Variants in GFRA1 observed in about 807,000 individuals in gnomAD.
The protein encoded by GFRA1 is GDNF family receptor alpha-1.
GFRA1 carries 16 observed loss-of-function variants against 51.6 expected under a neutral mutation model. That is an observed-to-expected ratio of 0.31 (90% CI 0.21 to 0.47). The LOEUF is 0.47. GFRA1 is among the 20% of genes least tolerant of loss of function. The probability of loss-of-function intolerance (pLI) is 1.00; values close to 1 mark genes in which losing one functional copy is unlikely to be tolerated. For missense variants in GFRA1, 530 were observed against 594.3 expected, an observed-to-expected ratio of 0.89 and a Z score of 1.13; for synonymous variants, 270 against 241.3, an observed-to-expected ratio of 1.12 and a Z score of -1.10.
intron 5 of GFRA1, among the ~76,000 whole-genome samples, chr10:116,205,657 T>C (rs962522930): frequency 6.6e-5 from 10 of 150,858 alleles, no homozygotes; most frequent in African/African-American, 2.4e-5. Flanking sequence ...TCTTCTTTTA[T>C]AGCCACGACT....
chr10:116,181,646 G>A (rs1377513484), intron 5 of GFRA1, among the ~76,000 whole-genome samples: 1 of 149,580 alleles, frequency 6.7e-6, no homozygotes, highest in African/African-American at 2.5e-5. Context: ...TTGTTTTTTT[G>A]TTTTTTTTTG....
rs1287665594 is a variant in GFRA1 at position 116,058,943 on chromosome 10, T to G, written c.*5455A>C. The G allele has an allele frequency of 6.6e-6, 1 of 152,200 alleles. No homozygotes were observed. 9.4% of individuals were successfully genotyped at this position (152,200 alleles called of 1,614,324 possible). A position where few individuals can be genotyped will look rare whatever the true frequency, so the allele number is the denominator to read the frequency against. On this transcript the variant is annotated 3_prime_UTR_variant, in exon 11 of 11. Coordinates refer to ENST00000355422, the MANE Select transcript of GFRA1 (RefSeq NM_005264.8). Reference sequence around the variant, plus strand: ...ATTTCCCACAAAGTCTACCCCCGTTTTGGGCTCTGTCCTTCCTGGCGGATG... The same window carrying G: ...ATTTCCCACAAAGTCTACCCCCGTTGTGGGCTCTGTCCTTCCTGGCGGATG...
chr10:116,238,654 C>G (rs1565672294), intron 4 of GFRA1, among the ~76,000 whole-genome samples: 1 of 152,174 alleles, frequency 6.6e-6, no homozygotes, highest in African/African-American at 2.4e-5. Flanking sequence ...TTGTAATCCG[C>G]TCAATGAAGG....
chr10:116,134,131 G>A (rs1461521473), intron 5 of GFRA1, among the ~76,000 whole-genome samples: 1 of 152,204 alleles, frequency 6.6e-6, no homozygotes, highest in Non-Finnish European at 1.5e-5. Flanking sequence ...TGCATGGCCT[G>A]CAAGAGATAT....
chr10:116,178,960 TC>T (rs748520182), intron 5 of GFRA1, among the ~76,000 whole-genome samples: 40 of 152,240 alleles, frequency 2.6e-4, no homozygotes, highest in Middle Eastern at 3.4e-3. Context: ...CCTGGAGCTC[TC>T]CCCAAGCCAG....
intron 4 of GFRA1, among the ~76,000 whole-genome samples, chr10:116,253,347 C>T (rs1737326127): frequency 6.6e-6 from 1 of 152,128 alleles, no homozygotes; most frequent in African/African-American, 2.4e-5. Flanking sequence ...GTGGCTCATG[C>T]CTGTAAACCC....
At chr10:116,107,170 A>C (rs1279277080) in intron 6 of GFRA1, among the ~76,000 whole-genome samples, 1 of 152,226 alleles carries the variant, frequency 6.6e-6, no homozygotes, top group Non-Finnish European at 1.5e-5. Flanking sequence ...AATGATAATA[A>C]GTCCCTCAAA....
At chr10:116,200,877 G>A (rs1023567947) in intron 5 of GFRA1, among the ~76,000 whole-genome samples, 1 of 152,190 alleles carries the variant, frequency 6.6e-6, no homozygotes, top group African/African-American at 2.4e-5. Flanking sequence ...GGATCATTCT[G>A]GGGAGAAAGC....
rs59445978 is a variant in GFRA1 at position 116,183,785 on chromosome 10, TC to T, written c.433+27845del. ...TCCTCTGTAACAGGGCAGGACAGCATCTCTGCCCACTTACTGATCCCAACTT... is the reference window on the plus strand; with the variant it reads ...TCCTCTGTAACAGGGCAGGACAGCATTCTGCCCACTTACTGATCCCAACTT... On this transcript the variant is annotated intron_variant, in intron 5 of 10. Transcript: ENST00000355422. 8.5e-4 allele frequency among the ~76,000 whole-genome samples: 130 copies of T among 152,326 alleles called. 1 individual carries two copies. Among genetic ancestry groups the T allele is most frequent in the African/African-American group, 3.0e-3 (126 of 41,570 alleles).
intron 4 of GFRA1, among the ~76,000 whole-genome samples, chr10:116,265,453 T>G (rs544221956): frequency 6.6e-6 from 1 of 152,332 alleles, no homozygotes; most frequent in South Asian, 2.1e-4. Flanking sequence ...GTCCTCCCTC[T>G]GTTCCCCATC....
Position 116,058,016 on chromosome 10 carries a change from GTGTGTGTGTGTGTGTGTGTGT to G in GFRA1, c.*6361_*6381del, listed in dbSNP as rs1354674057. ...TGTGTGTGTGTGTGTGTGTGTGTGT[GTGTGTGTGTGTGTGTGTGTGT>G]GTGTGACAGAGAGAACCACGCTTTA... On this transcript the variant is annotated 3_prime_UTR_variant, in exon 11 of 11. Transcript: ENST00000355422. 25 of 144,694 alleles carry G rather than the reference GTGTGTGTGTGTGTGTGTGTGT, an allele frequency of 1.7e-4. No homozygotes were observed. In the East Asian group the frequency reaches 3.2e-3, roughly 19 times the overall value. 9.0% of individuals were successfully genotyped at this position (144,694 alleles called of 1,614,324 possible). A position where few individuals can be genotyped will look rare whatever the true frequency, so the allele number is the denominator to read the frequency against.
At chr10:116,253,616 A>G (rs1455265340) in intron 4 of GFRA1, among the ~76,000 whole-genome samples, 3 of 69,444 alleles carry the variant, frequency 4.3e-5, no homozygotes, top group African/African-American at 1.3e-4. Flanking sequence ...TCACAAGAGA[A>G]AAAAAAAATA....
chr10:116,132,515 A>T (rs145250682), intron 5 of GFRA1, among the ~76,000 whole-genome samples: 2 of 152,128 alleles, frequency 1.3e-5, no homozygotes, highest in Admixed American at 6.5e-5. Context: ...CTCTTTTCAA[A>T]AAGTTTCACA....
At chr10:116,084,820 T>C (rs1478502591) in intron 9 of GFRA1, among the ~76,000 whole-genome samples, 1 of 149,646 alleles carries the variant, frequency 6.7e-6, no homozygotes, top group Non-Finnish European at 1.5e-5. Flanking sequence ...ACAGTCCATT[T>C]GGTTTAAATA....
At chr10:116,199,974 T>C (rs1009046616) in intron 5 of GFRA1, among the ~76,000 whole-genome samples, 4 of 152,236 alleles carry the variant, frequency 2.6e-5, no homozygotes, top group Admixed American at 2.6e-4. Flanking sequence ...ATATAGAATG[T>C]TGCCCTCTTT....
chr10:116,116,523 C>T (rs1440269875), intron 6 of GFRA1, among the ~76,000 whole-genome samples: 2 of 152,222 alleles, frequency 1.3e-5, no homozygotes, highest in Non-Finnish European at 2.9e-5. Flanking sequence ...GAATCCAAAT[C>T]AGGTGAGTGT....
At chr10:116,112,300 G>A (rs556176823) in intron 6 of GFRA1, among the ~76,000 whole-genome samples, 1 of 152,164 alleles carries the variant, frequency 6.6e-6, no homozygotes, top group Admixed American at 6.5e-5. Context: ...CTCTCCAATA[G>A]GAATTCCGAC....
At chr10:116,220,647 C>T (rs549953032) in intron 4 of GFRA1, among the ~76,000 whole-genome samples, 12 of 152,320 alleles carry the variant, frequency 7.9e-5, no homozygotes, top group Admixed American at 3.9e-4. Context: ...CATTGTTGAT[C>T]ATCATGAAAT....
At chr10:116,237,836 C>T (rs572274830) in intron 4 of GFRA1, among the ~76,000 whole-genome samples, 102 of 152,122 alleles carry the variant, frequency 6.7e-4, no homozygotes, top group Admixed American at 1.4e-3. Flanking sequence ...GCCAAAAGCA[C>T]CAAAGCTCTG....
Sources: gnomAD v4.1 joint callset for allele counts (sites outside exome capture counted in the v4.1 genomes callset) on GRCh38, gnomAD v4.1.1 for gene constraint, MANE v1.5 for transcripts, NCBI Gene and HGNC (gene_info 2026-07-23, HGNC 2026-07-21) for gene names.